Variants in PIAS2 observed in about 807,000 individuals in gnomAD.
PIAS2 encodes E3 SUMO-protein ligase PIAS2.
A neutral mutation model predicts 69.7 loss-of-function variants in PIAS2; 19 were observed. The observed-to-expected ratio is 0.27, with a 90% CI of 0.19 to 0.40. The LOEUF is 0.40. PIAS2 is among the 10% of genes least tolerant of loss of function. The pLI, the probability that PIAS2 is intolerant of heterozygous loss-of-function variation, is 1.00. For synonymous variants in PIAS2, 261 were observed against 263.2 expected, an observed-to-expected ratio of 0.99 and a Z score of 0.08; for missense variants, 624 against 757.0, an observed-to-expected ratio of 0.82 and a Z score of 2.06.
chr18:46,884,239 T>C (rs1210506138), intron 2 of PIAS2, among the ~76,000 whole-genome samples: 4 of 152,172 alleles, frequency 2.6e-5, no homozygotes, highest in Non-Finnish European at 5.9e-5. Flanking sequence ...TATATACATA[T>C]TCCTTTATAC....
chr18:46,839,072 T>A (rs1017855321), intron 8 of PIAS2, among the ~76,000 whole-genome samples: 7 of 152,338 alleles, frequency 4.6e-5, no homozygotes, highest in African/African-American at 1.7e-4. Flanking sequence ...TCACATGTTA[T>A]TCTTTTTAAG....
intron 2 of PIAS2, among the ~76,000 whole-genome samples, chr18:46,869,582 C>A (rs990622999): frequency 6.6e-6 from 1 of 152,156 alleles, no homozygotes; most frequent in Non-Finnish European, 1.5e-5. Context: ...GGAAACACCC[C>A]ACGTAAGACA....
chr18:46,864,220 C>A lies in PIAS2; in HGVS notation c.528G>T (p.Glu176Asp), dbSNP rs1330207201. ...GTGTCAAAGCAAAAATAAAAAACTT[C>A]TCTTGAAATCGCTGAATACTGCTTT... is the stretch of plus-strand genomic sequence containing the variant. ...LVQSSIQRFQ[E>D]KFFIFALTPQ... Residue 176 changes from glutamate (E) to aspartate (D), a missense_variant, in exon 3 of 14, where the codon GAG (glutamate) becomes GAT (aspartate). Physicochemically the swap from Glu to Asp is conservative, Grantham distance 45. Transcript: ENST00000585916. 6 of 1,596,212 alleles carry A rather than the reference C, an allele frequency of 3.8e-6. No homozygotes were observed. The highest frequency in any genetic ancestry group is 1.1e-5 in the South Asian group (1 of 87,536).
upstream of PIAS2, chr18:46,919,987 T>TA: frequency 9.7e-7 from 1 of 1,031,402 alleles, no homozygotes; most frequent in Non-Finnish European, 1.3e-6. Context: ...CAGAGGAGCT[T>TA]ACACCCATAA....
upstream of PIAS2, among the ~76,000 whole-genome samples, chr18:46,919,222 C>G (rs934075537): frequency 2.1e-4 from 32 of 151,978 alleles, no homozygotes; most frequent in African/African-American, 7.2e-4. Flanking sequence ...AGCTGTGGCC[C>G]ACGCTCTAAA....
intron 1 of PIAS2, chr18:46,907,715 T>A (rs561757267): frequency 6.6e-6 from 1 of 152,016 alleles, no homozygotes. Flanking sequence ...CAAATGCAGA[T>A]CAAAAATATG....
intron 1 of PIAS2, chr18:46,908,008 G>C (rs922043031): frequency 4.6e-5 from 7 of 152,186 alleles, no homozygotes; most frequent in African/African-American, 1.7e-4. Flanking sequence ...GGAATATTTA[G>C]AGTGCTGGTA....
intron 5 of PIAS2, among the ~76,000 whole-genome samples, chr18:46,848,715 GAGA>G (rs2046515217): frequency 6.6e-6 from 1 of 151,794 alleles, no homozygotes; most frequent in Non-Finnish European, 1.5e-5. Context: ...AAAAGACAAA[GAGA>G]AGAACTTCAA....
upstream of PIAS2, among the ~76,000 whole-genome samples, chr18:46,918,562 C>G (rs1334496306): frequency 6.6e-6 from 1 of 152,138 alleles, no homozygotes; most frequent in Non-Finnish European, 1.5e-5. Context: ...TCAAGCGATT[C>G]TCCTACCTCC....
chr18:46,909,064 C>T (rs752951997), intron 1 of PIAS2, among the ~76,000 whole-genome samples: 8 of 152,028 alleles, frequency 5.3e-5, no homozygotes, highest in Non-Finnish European at 1.0e-4. Context: ...GAGAAATTTG[C>T]ACCACATGCA....
chr18:46,856,130 C>T (rs1227722875), intron 3 of PIAS2, among the ~76,000 whole-genome samples: 1 of 151,090 alleles, frequency 6.6e-6, no homozygotes, highest in East Asian at 1.9e-4. Flanking sequence ...CTCAGCCTCC[C>T]GAGTAGCTGG....
At chr18:46,892,077 C>T (rs530392673) in intron 1 of PIAS2, among the ~76,000 whole-genome samples, 1 of 152,154 alleles carries the variant, frequency 6.6e-6, no homozygotes, top group Non-Finnish European at 1.5e-5. Context: ...TCATCACTCC[C>T]CCAACCCAGC....
chr18:46,827,637 A>C (rs2043009776), intron 11 of PIAS2: 1 of 201,432 alleles, frequency 5.0e-6, no homozygotes, highest in African/African-American at 2.3e-5. Context: ...TCAGATTCCC[A>C]GTTCCACACT....
At chr18:46,919,917 A>G, upstream of PIAS2, 1 of 435,446 alleles carries the variant, frequency 2.3e-6, no homozygotes. Flanking sequence ...CTTTAAGTGA[A>G]TGCCACTGTG....
At position 46,890,666 on chromosome 18, in the gene PIAS2, G is replaced by A. The variant is rs770452141; in HGVS notation, c.413C>T (p.Pro138Leu). The A allele has an allele frequency of 5.0e-6, 8 of 1,614,052 alleles. No homozygotes were observed. The highest frequency in any genetic ancestry group is 6.8e-6 in the Non-Finnish European group (8 of 1,179,948). ...CACATCAGGATGGACAGGAGGAATTGGGGGAGATGGCTGCTGCATCTCAAA... is the reference window on the plus strand; with the variant it reads ...CACATCAGGATGGACAGGAGGAATTAGGGGAGATGGCTGCTGCATCTCAAA... Reference protein sequence around the residue: ...PTFEMQQPSPPIPPVHPDVQL... With the variant: ...PTFEMQQPSPLIPPVHPDVQL... The change falls in exon 2 of 14, where the codon CCA becomes CTA. Residue 138 changes from proline (P) to leucine (L), a missense_variant. By Grantham distance (98) the Pro-to-Leu change is moderately conservative. Around this residue, in one of 3 missense-constraint regions of PIAS2, gnomAD observed 339 missense variants for 408.8 expected, o/e 0.83. Transcript: ENST00000585916.
chr18:46,885,324 C>G (rs933474887), intron 2 of PIAS2, among the ~76,000 whole-genome samples: 1 of 151,950 alleles, frequency 6.6e-6, no homozygotes, highest in African/African-American at 2.4e-5. Flanking sequence ...CGAGACGAAC[C>G]TGGCCAACAT....
At chr18:46,851,732 T>A (rs988232983) in intron 5 of PIAS2, among the ~76,000 whole-genome samples, 4 of 152,218 alleles carry the variant, frequency 2.6e-5, no homozygotes, top group African/African-American at 9.6e-5. Flanking sequence ...TCCTTAACAG[T>A]CTAGGGACAC....
chr18:46,828,074 T>C lies in PIAS2; in HGVS notation c.1393A>G (p.Lys465Glu). 1.2e-6 allele frequency: 2 copies of C among 1,613,858 alleles called. No homozygotes were observed. Among genetic ancestry groups the C allele is most frequent in the Non-Finnish European group, 1.7e-6 (2 of 1,179,862 alleles). Reference sequence around the variant, plus strand: ...GTAAGATCAATAACATCTACTTTCTTCTTGCTTGCCTCACTGGCTACAGTC... The same window carrying C: ...GTAAGATCAATAACATCTACTTTCTCCTTGCTTGCCTCACTGGCTACAGTC... The part of the protein sequence containing the change: ...SVTVASEASK[K>E]KVDVIDLTIE... The change falls in exon 11 of 14, where the codon AAG (lysine) becomes GAG (glutamate). Residue 465 changes from lysine to glutamate, a missense_variant. Lys to Glu is a moderately conservative substitution (Grantham distance 56). Coordinates refer to ENST00000585916, the MANE Select transcript of PIAS2 (RefSeq NM_004671.5).
intron 11 of PIAS2, among the ~76,000 whole-genome samples, chr18:46,823,079 A>AG (rs1262160497): frequency 6.6e-6 from 1 of 151,066 alleles, no homozygotes; most frequent in African/African-American, 2.4e-5. Flanking sequence ...TCTACAAAAA[A>AG]AAAAAAAAAG....
Sources: gnomAD v4.1 joint callset for allele counts (sites outside exome capture counted in the v4.1 genomes callset) on GRCh38, gnomAD v4.1.1 for gene constraint, gnomAD v4.1.1 regional missense constraint, MANE v1.5 for transcripts, NCBI Gene and HGNC (gene_info 2026-07-23, HGNC 2026-07-21) for gene names.